The following KXD1 variants were observed in gnomAD, a reference collection of about 807,000 sequenced individuals.
The protein encoded by KXD1 is kxDL motif-containing protein 1.
In KXD1, 5 loss-of-function variants were observed where a neutral mutation model predicts 12.1. The ratio of observed to expected loss-of-function variants is 0.41; its 90% CI spans 0.22 to 0.87. The LOEUF (loss-of-function observed/expected upper bound fraction) is 0.87. Among genes scored for constraint, KXD1 ranks in the 40% least tolerant of loss-of-function variants. The pLI is 0.31. For missense variants in KXD1, 193 were observed against 244.9 expected, an observed-to-expected ratio of 0.79 and a Z score of 1.41; for synonymous variants, 98 against 100.5, an observed-to-expected ratio of 0.98 and a Z score of 0.15.
At position 18,568,609 on chromosome 19, in the gene KXD1, A is replaced by G; in HGVS notation, c.509A>G (p.Asp170Gly). 1 of 1,611,904 alleles carries G rather than the reference A, an allele frequency of 6.2e-7. No individual in the cohort carries two copies. Among genetic ancestry groups the G allele is most frequent in the Non-Finnish European group, 8.5e-7 (1 of 1,179,976 alleles). Reference sequence around the variant, plus strand: ...ATCAACGGCCGCAGCCAGACAGATGACGAGGAGATGACGGGCGAATAGCCC... The same window carrying G: ...ATCAACGGCCGCAGCCAGACAGATGGCGAGGAGATGACGGGCGAATAGCCC... ...PAINGRSQTD[D>G]EEMTGE Residue 170 changes from aspartate (D) to glycine (G), a missense_variant, in exon 5 of 5, where the codon GAC becomes GGC. By Grantham distance (94) the Asp-to-Gly change is moderately conservative. Transcript: ENST00000222307.
At chr19:18,564,054 T>A (rs567004145) in intron 2 of KXD1, among the ~76,000 whole-genome samples, 2 of 152,098 alleles carry the variant, frequency 1.3e-5, no homozygotes, top group African/African-American at 4.8e-5. Flanking sequence ...GCCCAGCCAA[T>A]TTTTGTATTT....
intron 3 of KXD1, among the ~76,000 whole-genome samples, chr19:18,565,377 C>T (rs1223218038): frequency 6.6e-6 from 1 of 151,666 alleles, no homozygotes; most frequent in Non-Finnish European, 1.5e-5. Context: ...TTACAGGTGC[C>T]TACCACCACG....
chr19:18,566,233 G>A (rs907612015), intron 3 of KXD1, among the ~76,000 whole-genome samples: 3 of 151,564 alleles, frequency 2.0e-5, no homozygotes, highest in African/African-American at 7.3e-5. Flanking sequence ...GGCGGATCAC[G>A]AGGTCAGGAG....
intron 3 of KXD1, among the ~76,000 whole-genome samples, chr19:18,566,075 T>C (rs1029107334): frequency 1.1e-4 from 17 of 151,870 alleles, no homozygotes; most frequent in Non-Finnish European, 2.1e-4. Flanking sequence ...AGATGATCCA[T>C]CCACCTCGAC....
rs997057447 is a variant in KXD1 at position 18,564,948 on chromosome 19, G to A, written c.181G>A (p.Glu61Lys). The A allele has an allele frequency of 6.2e-6, 10 of 1,613,030 alleles. No homozygotes were observed. The African/African-American group carries it at 6.7e-5, about 11-fold the overall frequency. ...LSSARLQQMSERFLHHTRTLV... is the reference protein window; with the variant it reads ...LSSARLQQMSKRFLHHTRTLV... Reference sequence around the variant, plus strand: ...CAGTGCCCGCCTGCAGCAGATGAGCGAACGCTTCCTGCACCACACGAGGAC... The same window carrying A: ...CAGTGCCCGCCTGCAGCAGATGAGCAAACGCTTCCTGCACCACACGAGGAC... Residue 61 changes from glutamate (E) to lysine (K), a missense_variant, in exon 3 of 5, where the codon GAA (glutamate) becomes AAA (lysine). Coordinates refer to ENST00000222307, the MANE Select transcript of KXD1 (RefSeq NM_024069.4).
chr19:18,561,330 A>G (rs1052169986), intron 1 of KXD1: 1 of 152,316 alleles, frequency 6.6e-6, no homozygotes, highest in Non-Finnish European at 1.5e-5. Context: ...AGGCGAGTGG[A>G]TCACCTGAGG....
chr19:18,559,887 T>A (rs1455369926), intron 1 of KXD1: 1 of 145,956 alleles, frequency 6.9e-6, no homozygotes, highest in African/African-American at 2.5e-5. Flanking sequence ...TTCCTTTCTT[T>A]CTCTCTTTCT....
At chr19:18,562,237 G>C in intron 2 of KXD1, 80 bp downstream of exon 2, 2 of 1,052,774 alleles carry the variant, frequency 1.9e-6, no homozygotes, top group Non-Finnish European at 1.4e-6. Context: ...GCCCCTACCC[G>C]GGGCCCACAC....
At chr19:18,560,009 CCTT>C (rs1974867900) in intron 1 of KXD1, 1 of 142,586 alleles carries the variant, frequency 7.0e-6, no homozygotes, top group African/African-American at 2.6e-5. Flanking sequence ...TCCCTCCCTT[CCTT>C]CCTTCTTTTC....
Position 18,568,843 on chromosome 19 carries a change from T to G in KXD1, c.*212T>G. 1.7e-6 allele frequency: 1 copy of G among 575,324 alleles called. No homozygotes were observed. Among genetic ancestry groups the G allele is most frequent in the Non-Finnish European group, 3.1e-6 (1 of 322,954 alleles). 35.6% of individuals were successfully genotyped at this position (575,324 alleles called of 1,614,324 possible). Reference sequence around the variant, plus strand: ...TTCCTTCCTCAGAACATCTCTATTCTGCAAGACCCCTCTGCCATGCCAGGG... The same window carrying G: ...TTCCTTCCTCAGAACATCTCTATTCGGCAAGACCCCTCTGCCATGCCAGGG... On this transcript the variant is annotated 3_prime_UTR_variant, in exon 5 of 5. Coordinates refer to ENST00000222307, the MANE Select transcript of KXD1 (RefSeq NM_024069.4).
intron 3 of KXD1, 82 bp from the exon 4 acceptor site, chr19:18,567,049 TG>T: frequency 7.6e-7 from 1 of 1,318,208 alleles, no homozygotes; most frequent in Non-Finnish European, 1.1e-6. Context: ...TGCCCTCAGC[TG>T]GCAGCAGGGG....
chr19:18,567,317 G>A, intron 4 of KXD1, 139 bp downstream of exon 4: 1 of 855,802 alleles, frequency 1.2e-6, no homozygotes, highest in Non-Finnish European at 1.9e-6. Context: ...TGGGGTGGGG[G>A]CAGGGTCAGG....
At chr19:18,567,568 C>T (rs1290396222) in intron 4 of KXD1, among the ~76,000 whole-genome samples, 2 of 152,204 alleles carry the variant, frequency 1.3e-5, no homozygotes, top group African/African-American at 4.8e-5. Flanking sequence ...CCCACAGTCA[C>T]CCATGGGGTG....
At position 18,562,380 on chromosome 19, in the gene KXD1, G is replaced by C. The variant is rs555398286; in HGVS notation, c.101+223G>C. Among the ~76,000 whole-genome samples, 14 of 152,362 alleles carry C rather than the reference G, an allele frequency of 9.2e-5. No individual in the cohort carries two copies. The East Asian group carries it at 2.7e-3, about 29-fold the overall frequency. On this transcript the variant is annotated intron_variant, in intron 2 of 4. Transcript: ENST00000222307. Reference sequence around the variant, plus strand: ...TTTGCAGCTGCGGATGGCTTGGCGGGGGCCGCAGGGGCTCCTGTCCCGAGA... The same window carrying C: ...TTTGCAGCTGCGGATGGCTTGGCGGCGGCCGCAGGGGCTCCTGTCCCGAGA...
At chr19:18,566,996 T>G in intron 3 of KXD1, 136 bp from the exon 4 acceptor site, 13 of 719,944 alleles carry the variant, frequency 1.8e-5, no homozygotes, top group Non-Finnish European at 2.9e-5. Flanking sequence ...AGTGAAGATG[T>G]GAGGTGATGA....
rs904653853 is a variant in KXD1 at position 18,565,001 on chromosome 19, C to G, written c.234C>G (p.Asp78Glu). ...RTLVEMKRDL[D>E]SIFRRIRTLK... ...TAGTAGAGATGAAACGGGACCTGGACAGCATCTTCCGCCGTATCAGGTGGG... is the reference window on the plus strand; with the variant it reads ...TAGTAGAGATGAAACGGGACCTGGAGAGCATCTTCCGCCGTATCAGGTGGG... Residue 78 changes from aspartate (D) to glutamate (E), a missense_variant, in exon 3 of 5, where the codon GAC becomes GAG. Transcript: ENST00000222307. 3 of 1,605,378 alleles carry G rather than the reference C, an allele frequency of 1.9e-6. No individual in the cohort carries two copies. In the African/African-American group the frequency reaches 4.0e-5, roughly 22 times the overall value.
At position 18,564,941 on chromosome 19, in the gene KXD1, G is replaced by A; in HGVS notation, c.174G>A (p.Gln58=). The A allele has an allele frequency of 1.2e-6, 2 of 1,613,490 alleles. No homozygotes were observed. The highest frequency in any genetic ancestry group is 1.7e-6 in the Non-Finnish European group (2 of 1,180,024). ...ACCTGTCCAGTGCCCGCCTGCAGCAGATGAGCGAACGCTTCCTGCACCACA... is the reference window on the plus strand; with the variant it reads ...ACCTGTCCAGTGCCCGCCTGCAGCAAATGAGCGAACGCTTCCTGCACCACA... ...FNNLSSARLQ[Q]MSERFLHHTR... The change falls in exon 3 of 5, where the codon CAG becomes CAA. Residue 58 remains glutamine, a synonymous_variant. Transcript: ENST00000222307.
intron 4 of KXD1, 36 bp from the exon 5 acceptor site, chr19:18,568,366 G>T: frequency 6.6e-7 from 1 of 1,517,364 alleles, no homozygotes; most frequent in Admixed American, 1.7e-5. Flanking sequence ...AGCTTGGCAA[G>T]GTGACAAAAC....
intron 2 of KXD1, among the ~76,000 whole-genome samples, chr19:18,563,311 C>T (rs958111581): frequency 4.0e-5 from 6 of 151,430 alleles, no homozygotes; most frequent in Non-Finnish European, 5.9e-5. Flanking sequence ...AGAGCAGCTC[C>T]GAGTCTCAAT....
Sources: allele counts gnomAD v4.1 joint callset (sites outside exome capture counted in the v4.1 genomes callset), GRCh38; gene constraint gnomAD v4.1.1; transcripts MANE v1.5; gene names NCBI Gene and HGNC (gene_info 2026-07-23, HGNC 2026-07-21).